Variants in CDKAL1 observed in about 807,000 individuals in gnomAD.
The protein encoded by CDKAL1 is CDKAL1 threonylcarbamoyladenosine tRNA methylthiotransferase.
A neutral mutation model predicts 68.2 loss-of-function variants in CDKAL1; 32 were observed. The ratio of observed to expected loss-of-function variants is 0.47; its 90% CI spans 0.35 to 0.63. CDKAL1 has a LOEUF of 0.63. CDKAL1 is among the 30% of genes least tolerant of loss of function. The pLI, the probability that CDKAL1 is intolerant of heterozygous loss-of-function variation, is 0.00. For synonymous variants in CDKAL1, 234 were observed against 244.3 expected (o/e 0.96, Z 0.39); for missense variants, 606 against 696.7 (o/e 0.87, Z 1.47).
chr6:21,151,952 T>G (rs1776430534), intron 13 of CDKAL1, among the ~76,000 whole-genome samples: 1 of 152,248 alleles, frequency 6.6e-6, no homozygotes, highest in Admixed American at 6.5e-5. Flanking sequence ...TTTGCCATTT[T>G]CAAGGCTCTG....
chr6:20,743,549 G>A (rs1773545764), intron 6 of CDKAL1, among the ~76,000 whole-genome samples: 1 of 152,154 alleles, frequency 6.6e-6, no homozygotes, highest in African/African-American at 2.4e-5. Context: ...AAGCCTGTAG[G>A]AATGGGGCAT....
intron 15 of CDKAL1, among the ~76,000 whole-genome samples, chr6:21,208,763 T>A (rs1779035704): frequency 6.6e-6 from 1 of 152,236 alleles, no homozygotes; most frequent in Non-Finnish European, 1.5e-5. Flanking sequence ...GGTTAGGACG[T>A]ATTTGAGTTT....
At chr6:20,727,547 A>G (rs1772712020) in intron 5 of CDKAL1, among the ~76,000 whole-genome samples, 1 of 152,168 alleles carries the variant, frequency 6.6e-6, no homozygotes, top group Non-Finnish European at 1.5e-5. Flanking sequence ...AATAAGGGTC[A>G]TTTGTAAGGT....
intron 4 of CDKAL1, among the ~76,000 whole-genome samples, chr6:20,562,174 A>G (rs1253151794): frequency 1.3e-5 from 2 of 152,064 alleles, no homozygotes; most frequent in African/African-American, 4.8e-5. Context: ...TATTACTTGT[A>G]TTCACTTGAG....
intron 12 of CDKAL1, among the ~76,000 whole-genome samples, chr6:21,102,296 C>T (rs1047939582): frequency 6.6e-5 from 10 of 152,190 alleles, no homozygotes; most frequent in Non-Finnish European, 7.3e-5. Flanking sequence ...CAAATGCTGT[C>T]ACATTGCTGA....
At chr6:20,559,879 A>G (rs1264323438) in intron 4 of CDKAL1, among the ~76,000 whole-genome samples, 4 of 152,186 alleles carry the variant, frequency 2.6e-5, no homozygotes, top group Non-Finnish European at 4.4e-5. Context: ...ATTTATTTAG[A>G]AATAGCGTGT....
chr6:20,709,567 T>C (rs1406364226), intron 5 of CDKAL1, among the ~76,000 whole-genome samples: 3 of 152,140 alleles, frequency 2.0e-5, no homozygotes, highest in Non-Finnish European at 4.4e-5. Flanking sequence ...ATTTTACTAC[T>C]TTATCAGTTA....
intron 5 of CDKAL1, among the ~76,000 whole-genome samples, chr6:20,712,240 T>A (rs1771879740): frequency 6.6e-6 from 1 of 152,100 alleles, no homozygotes; most frequent in African/African-American, 2.4e-5. Flanking sequence ...CGGGGCAGTA[T>A]GCAGGGTGCT....
chr6:21,225,342 G>A (rs1282758725), intron 15 of CDKAL1, among the ~76,000 whole-genome samples: 3 of 152,124 alleles, frequency 2.0e-5, no homozygotes, highest in Non-Finnish European at 2.9e-5. Context: ...CCATCTCAGA[G>A]CCCGGGGAGT....
chr6:20,729,281 C>A (rs1269234567), intron 5 of CDKAL1, among the ~76,000 whole-genome samples: 1 of 152,188 alleles, frequency 6.6e-6, no homozygotes, highest in East Asian at 1.9e-4. Context: ...AGGAGCTTGT[C>A]AGGATGCAGC....
At chr6:20,857,675 A>C (rs1005798466) in intron 9 of CDKAL1, among the ~76,000 whole-genome samples, 2 of 152,224 alleles carry the variant, frequency 1.3e-5, no homozygotes, top group African/African-American at 4.8e-5. Flanking sequence ...TCACTTCTAG[A>C]AATGTTTGTC....
At chr6:21,049,169 T>C (rs945295063) in intron 11 of CDKAL1, among the ~76,000 whole-genome samples, 13 of 152,178 alleles carry the variant, frequency 8.5e-5, no homozygotes, top group Admixed American at 6.5e-4. Flanking sequence ...GGCCCCTACT[T>C]TCATTCTCAA....
intron 9 of CDKAL1, among the ~76,000 whole-genome samples, chr6:20,857,907 T>C (rs1759418631): frequency 6.6e-6 from 1 of 152,220 alleles, no homozygotes; most frequent in South Asian, 2.1e-4. Flanking sequence ...TCGCCCAGGC[T>C]GGAGTGCAGT....
chr6:21,024,442 A>T (rs1419946009), intron 11 of CDKAL1, among the ~76,000 whole-genome samples: 1 of 152,070 alleles, frequency 6.6e-6, no homozygotes, highest in Non-Finnish European at 1.5e-5. Flanking sequence ...GAGCCCAGGA[A>T]CTCAAGACCA....
At chr6:21,103,881 C>T (rs894577580) in intron 12 of CDKAL1, among the ~76,000 whole-genome samples, 1 of 152,182 alleles carries the variant, frequency 6.6e-6, no homozygotes, top group Admixed American at 6.5e-5. Context: ...TTTAGACATA[C>T]ACTATGATGC....
intron 9 of CDKAL1, among the ~76,000 whole-genome samples, chr6:20,942,327 A>C (rs769424505): frequency 6.6e-6 from 1 of 150,866 alleles, no homozygotes; most frequent in Non-Finnish European, 1.5e-5. Flanking sequence ...TGTAAACCCC[A>C]AAATATGTTA....
intron 4 of CDKAL1, among the ~76,000 whole-genome samples, chr6:20,624,465 A>G (rs180715412): frequency 6.6e-6 from 1 of 152,130 alleles, no homozygotes; most frequent in East Asian, 1.9e-4. Context: ...CAGGCAGATA[A>G]TAAGTGTATA....
chr6:21,118,244 G>A (rs796114656), intron 13 of CDKAL1, among the ~76,000 whole-genome samples: 20 of 152,272 alleles, frequency 1.3e-4, no homozygotes, highest in African/African-American at 4.6e-4. Flanking sequence ...TTTAAACAAG[G>A]AATATAGGCA....
At chr6:20,687,877 G>A in intron 5 of CDKAL1, among the ~76,000 whole-genome samples, 1 of 148,522 alleles carries the variant, frequency 6.7e-6, no homozygotes, top group East Asian at 1.9e-4. Context: ...CCTATGTAAA[G>A]GATTTTTTTT....
Sources: allele counts gnomAD v4.1 joint callset (sites outside exome capture counted in the v4.1 genomes callset), GRCh38; gene constraint gnomAD v4.1.1; transcripts MANE v1.5; gene names NCBI Gene and HGNC (gene_info 2026-07-23, HGNC 2026-07-21).